The following FAM227B variants were observed in gnomAD, a reference collection of about 807,000 sequenced individuals.
FAM227B encodes the protein family with sequence similarity 227 member B.
FAM227B carries 88 observed loss-of-function variants against 73.8 expected under a neutral mutation model. That is an observed-to-expected ratio of 1.19 (90% CI 1.00 to 1.42). The LOEUF (loss-of-function observed/expected upper bound fraction) is 1.42. Ranked by LOEUF, FAM227B falls within the 40% of genes most tolerant of loss-of-function variation. The pLI, the probability that FAM227B is intolerant of heterozygous loss-of-function variation, is 0.00. For synonymous variants in FAM227B, 210 were observed against 190.5 expected (o/e 1.10, Z -0.84); for missense variants, 632 against 590.9 (o/e 1.07, Z -0.72).
At chr15:49,520,898 T>C (rs2059736093) in intron 10 of FAM227B, among the ~76,000 whole-genome samples, 1 of 152,122 alleles carries the variant, frequency 6.6e-6, no homozygotes, top group Non-Finnish European at 1.5e-5. Context: ...CCTGGAGAAC[T>C]TGAAGTCCCA....
intron 10 of FAM227B, among the ~76,000 whole-genome samples, chr15:49,534,904 A>G (rs2060895766): frequency 6.6e-6 from 1 of 151,776 alleles, no homozygotes; most frequent in African/African-American, 2.4e-5. Flanking sequence ...AGGAAAATGG[A>G]AACATGACAT....
At chr15:49,489,318 A>G in intron 11 of FAM227B, 1 of 981,548 alleles carries the variant, frequency 1.0e-6, no homozygotes, top group Non-Finnish European at 1.2e-6. Flanking sequence ...TTCATCAGAG[A>G]AAGAGATGAA....
intron 3 of FAM227B, among the ~76,000 whole-genome samples, chr15:49,592,509 G>A (rs1365731956): frequency 1.3e-5 from 2 of 152,246 alleles, no homozygotes; most frequent in East Asian, 3.8e-4. Flanking sequence ...CTGCAGAACA[G>A]CAAATATTGA....
intron 11 of FAM227B, among the ~76,000 whole-genome samples, chr15:49,416,774 CACACACA>C (rs2049243550): frequency 1.0e-4 from 2 of 19,802 alleles, no homozygotes. Context: ...CACACATAGA[CACACACA>C]CACACACACA....
At chr15:49,573,750 T>A (rs2075275999) in intron 8 of FAM227B, among the ~76,000 whole-genome samples, 1 of 152,320 alleles carries the variant, frequency 6.6e-6, no homozygotes, top group South Asian at 2.1e-4. Flanking sequence ...AACCAACTAA[T>A]ACAAGAGAGA....
intron 11 of FAM227B, among the ~76,000 whole-genome samples, chr15:49,446,865 A>G (rs1044557287): frequency 6.6e-6 from 1 of 151,556 alleles, no homozygotes; most frequent in African/African-American, 2.4e-5. Context: ...GCAGGGGGAG[A>G]AGTGAGGAAG....
chr15:49,357,802 C>T (rs935413834), intron 13 of FAM227B, among the ~76,000 whole-genome samples: 1 of 152,038 alleles, frequency 6.6e-6, no homozygotes, highest in African/African-American at 2.4e-5. Context: ...AATTTTAGAC[C>T]AATATCCTTG....
intron 11 of FAM227B, chr15:49,486,480 T>C (rs1452638071): frequency 6.6e-6 from 1 of 152,030 alleles, no homozygotes; most frequent in Non-Finnish European, 1.5e-5. Flanking sequence ...CCTAGCAGAC[T>C]ATCTGTTCAT....
chr15:49,571,084 T>C (rs1383163856), intron 8 of FAM227B, among the ~76,000 whole-genome samples: 1 of 151,610 alleles, frequency 6.6e-6, no homozygotes, highest in Non-Finnish European at 1.5e-5. Flanking sequence ...CTCCTTTGGA[T>C]ATAAACAGAA....
chr15:49,565,210 C>T (rs139078714), intron 9 of FAM227B, among the ~76,000 whole-genome samples: 96 of 151,684 alleles, frequency 6.3e-4, no homozygotes, highest in Admixed American at 1.8e-3. Context: ...GGTGAAACCC[C>T]GTCTCTACTA....
rs1489823285 is a variant in FAM227B, at chr15:49,328,302, G to A, written c.*266C>T. 7.0e-7 allele frequency: 1 copy of A among 1,435,728 alleles called. No individual in the cohort carries two copies. Among genetic ancestry groups the A allele is most frequent in the Non-Finnish European group, 9.1e-7 (1 of 1,098,142 alleles). The allele number at this position is 1,435,728 out of a possible 1,614,324, so 88.9% of individuals were successfully genotyped here. A position where few individuals can be genotyped will look rare whatever the true frequency, so the allele number is the denominator to read the frequency against. ...TATCAAGATATATTTTCAAAGAAATGGTTGAAAGCTCTCTATGCTTCATAA... is the reference window on the plus strand; with the variant it reads ...TATCAAGATATATTTTCAAAGAAATAGTTGAAAGCTCTCTATGCTTCATAA... On this transcript the variant is annotated 3_prime_UTR_variant, in exon 16 of 16. Coordinates refer to ENST00000299338, the MANE Select transcript of FAM227B (RefSeq NM_152647.3).
At position 49,489,860 on chromosome 15, in the gene FAM227B, T is replaced by TA. The variant is rs2056864120; in HGVS notation, c.1012+18350_1012+18351insT. On this transcript the variant is annotated intron_variant, in intron 11 of 15. Transcript: ENST00000299338. ...TATATTTTATATATATATATATATTTTATATATATATATATATATATATAG... is the reference window on the plus strand; with the variant it reads ...TATATTTTATATATATATATATATTTATATATATATATATATATATATATAG... 5.9e-4 allele frequency among the ~76,000 whole-genome samples: 4 copies of TA among 6,810 alleles called. 1 individual carries two copies. In the South Asian group the frequency reaches 0.022, roughly 37 times the overall value. The allele number at this position is 6,810 out of a possible 152,430, so 4.5% of individuals were successfully genotyped here.
At chr15:49,563,795 G>A (rs1027600655) in intron 9 of FAM227B, among the ~76,000 whole-genome samples, 2 of 152,110 alleles carry the variant, frequency 1.3e-5, no homozygotes, top group African/African-American at 4.8e-5. Flanking sequence ...ATACGCTGAA[G>A]AACAAAACTG....
intron 4 of FAM227B, among the ~76,000 whole-genome samples, chr15:49,588,897 C>T (rs1205806483): frequency 6.6e-6 from 1 of 151,408 alleles, no homozygotes. Context: ...CAGAATTACA[C>T]AAATCTTAGT....
chr15:49,358,005 G>A (rs969028644), intron 13 of FAM227B, among the ~76,000 whole-genome samples: 1 of 151,972 alleles, frequency 6.6e-6, no homozygotes, highest in Non-Finnish European at 1.5e-5. Context: ...TATCTCAATA[G>A]ATGCAGAAAA....
intron 11 of FAM227B, chr15:49,485,715 T>C (rs1460373540): frequency 1.3e-5 from 2 of 152,524 alleles, no homozygotes; most frequent in Non-Finnish European, 2.9e-5. Flanking sequence ...CCACATATTC[T>C]TGCCAATTAA....
intron 13 of FAM227B, among the ~76,000 whole-genome samples, chr15:49,338,669 G>T (rs191132769): frequency 0.032 from 3,385 of 105,968 alleles, 103 homozygotes; most frequent in South Asian, 0.11. Flanking sequence ...TTGAATGTTG[G>T]CCTGCCTTGC....
chr15:49,527,318 C>T (rs2060276809), intron 10 of FAM227B, among the ~76,000 whole-genome samples: 1 of 151,794 alleles, frequency 6.6e-6, no homozygotes, highest in Non-Finnish European at 1.5e-5. Context: ...GCAGAATAAG[C>T]ATTCAACAAA....
intron 11 of FAM227B, chr15:49,424,634 C>G: frequency 7.3e-7 from 1 of 1,367,522 alleles, no homozygotes; most frequent in Non-Finnish European, 9.9e-7. Context: ...GTTAATGGAT[C>G]AATTTTCAGG....
Sources: allele counts gnomAD v4.1 joint callset (sites outside exome capture counted in the v4.1 genomes callset), GRCh38; gene constraint gnomAD v4.1.1; transcripts MANE v1.5; gene names NCBI Gene and HGNC (gene_info 2026-07-23, HGNC 2026-07-21).